STAU1: variants seen among roughly 807,000 people sequenced by gnomAD.
STAU1 encodes staufen double-stranded RNA binding protein 1.
In STAU1, 13 loss-of-function variants were observed where a neutral mutation model predicts 62.9. The observed-to-expected ratio is 0.21, with a 90% CI of 0.13 to 0.33. STAU1 has a LOEUF of 0.33. Among genes scored for constraint, STAU1 ranks in the 10% least tolerant of loss-of-function variants. STAU1 has a pLI of 1.00. For missense variants in STAU1, 571 were observed against 712.1 expected (o/e 0.80, Z 2.25); for synonymous variants, 269 against 265.1 (o/e 1.01, Z -0.14).
rs1600574949 is a variant in STAU1, at chr20:49,114,625, T to C, written c.*253A>G. 1 of 453,490 alleles carries C rather than the reference T, an allele frequency of 2.2e-6. No homozygotes were observed. The highest frequency in any genetic ancestry group is 3.3e-5 in the East Asian group (1 of 30,606). The allele number at this position is 453,490 out of a possible 1,614,324, so 28.1% of individuals were successfully genotyped here. ...AACCAGCTGGCTGGGCAGCCCTTCT[T>C]CCCCACAGGCAGCTGCTATTGCGTA... is the stretch of plus-strand genomic sequence containing the variant. On this transcript the variant is annotated 3_prime_UTR_variant, in exon 14 of 14. Transcript: ENST00000371856.
At chr20:49,207,330 C>G in the STAU1 span, among the ~76,000 whole-genome samples, 566 of 152,258 alleles carry the variant, frequency 3.7e-3, 2 homozygotes, top group Non-Finnish European at 5.9e-3. Flanking sequence ...TCCACTGCCC[C>G]CTTCTGTCCT....
the STAU1 span, among the ~76,000 whole-genome samples, chr20:49,201,071 A>AAAAAAAAAAAAGAAGAAGAAG: frequency 1.9e-5 from 2 of 104,564 alleles, no homozygotes; most frequent in Non-Finnish European, 4.0e-5. Context: ...AAAAAAAAAA[A>AAAAAAAAAAAAGAAGAAGAAG]AAGAAGAAGA....
At chr20:49,189,081 G>C (rs979574053), upstream of STAU1, among the ~76,000 whole-genome samples, 1 of 151,226 alleles carries the variant, frequency 6.6e-6, no homozygotes, top group African/African-American at 2.4e-5. Flanking sequence ...GGCGCCTGTA[G>C]GTAAACAGCT....
In STAU1 at chr20:49,117,131, C is replaced by T. The variant is rs758247144; in HGVS notation, c.1627G>A (p.Asp543Asn). Residue 543 changes from aspartate to asparagine, a missense_variant, in exon 12 of 14, where the codon GAT becomes AAT. Physicochemically the swap from Asp to Asn is conservative, Grantham distance 23. This residue lies in a region of STAU1 where 156 missense variants were observed against 194.7 expected (regional missense o/e 0.80). Transcript: ENST00000371856. This position sits in a 1 kb window ranked among gnomAD's most constrained non-coding sequence, Gnocchi z 4.6. ...GIGKDVESCHDMAALNILKLL... is the reference protein window; with the variant it reads ...GIGKDVESCHNMAALNILKLL... ...TCACCCAAGGTGTGACGTACCATAT[C>T]ATGGCAGGACTCCACATCCTTGCCG... The T allele has an allele frequency of 9.9e-6, 16 of 1,614,136 alleles. No individual in the cohort carries two copies. The highest frequency in any genetic ancestry group is 1.4e-5 in the Non-Finnish European group (16 of 1,180,004).
At chr20:49,196,661 G>A in the STAU1 span, among the ~76,000 whole-genome samples, 25 of 151,592 alleles carry the variant, frequency 1.6e-4, no homozygotes, top group African/African-American at 6.1e-4. Flanking sequence ...AGCTCCTCTC[G>A]AGGGGAGAAT....
chr20:49,156,340 T>C (rs2093356370), intron 3 of STAU1, among the ~76,000 whole-genome samples: 1 of 152,244 alleles, frequency 6.6e-6, no homozygotes, highest in Non-Finnish European at 1.5e-5. Context: ...GCATCATAGA[T>C]TGGAAACCAC....
intron 6 of STAU1, among the ~76,000 whole-genome samples, chr20:49,125,071 T>TAAAAAAAAA (rs11473077): frequency 1.8e-4 from 15 of 83,824 alleles, no homozygotes; most frequent in African/African-American, 2.2e-4. Context: ...ACACATTAAG[T>TAAAAAAAAA]AAAAAAAAAA....
chr20:49,129,279 A>ATTTTTTTTT (rs1337866356), intron 6 of STAU1, among the ~76,000 whole-genome samples: 4 of 101,948 alleles, frequency 3.9e-5, no homozygotes, highest in African/African-American at 4.4e-5. Flanking sequence ...TTTAAAAAAA[A>ATTTTTTTTT]ATTTTTTTTT....
intron 3 of STAU1, among the ~76,000 whole-genome samples, chr20:49,160,413 A>G (rs2093430295): frequency 6.6e-6 from 1 of 152,242 alleles, no homozygotes; most frequent in South Asian, 2.1e-4. Context: ...GGTTAGGATC[A>G]GAAACAGACA....
At chr20:49,164,951 GC>G (rs2093503145) in intron 3 of STAU1, among the ~76,000 whole-genome samples, 1 of 152,134 alleles carries the variant, frequency 6.6e-6, no homozygotes, top group Non-Finnish European at 1.5e-5. Context: ...AAATCTGGCT[GC>G]CCCCTTGCTT....
At chr20:49,215,661 T>C in the STAU1 span, among the ~76,000 whole-genome samples, 91 of 152,286 alleles carry the variant, frequency 6.0e-4, no homozygotes, top group African/African-American at 2.1e-3. Flanking sequence ...TTGCTCAACA[T>C]TGATTACTGA....
chr20:49,171,393 C>T (rs1257895050), intron 2 of STAU1, among the ~76,000 whole-genome samples: 3 of 152,220 alleles, frequency 2.0e-5, no homozygotes, highest in Admixed American at 6.5e-5. Context: ...CTGCCAGGTT[C>T]ACACCATTCT....
intron 8 of STAU1, 74 bp downstream of exon 8, chr20:49,123,018 A>G (rs348260): frequency 0.85 from 1,256,311 of 1,480,240 alleles, 535,477 homozygotes; most frequent in African/African-American, 0.94. Context: ...AGGTGTCCAG[A>G]CCTTGAACCG....
the STAU1 span, among the ~76,000 whole-genome samples, chr20:49,198,975 C>T: frequency 3.3e-5 from 5 of 150,100 alleles, no homozygotes; most frequent in African/African-American, 1.2e-4. Flanking sequence ...CCCCCTGCCC[C>T]CCCGCCAAAA....
At chr20:49,165,969 T>C (rs1365707212) in intron 3 of STAU1, 28 bp downstream of exon 3, 35 of 1,608,352 alleles carry the variant, frequency 2.2e-5, no homozygotes, top group Admixed American at 3.3e-5. Context: ...ACATTTGAAA[T>C]AGAAGACACT....
rs200864480 is a variant in STAU1 at position 49,163,419 on chromosome 20, C to CTTT, written c.205+2575_205+2577dup. 1.3e-3 allele frequency among the ~76,000 whole-genome samples: 106 copies of CTTT among 82,418 alleles called. 3 individuals carry two copies. Among genetic ancestry groups the CTTT allele is most frequent in the Admixed American group, 1.8e-3 (12 of 6,694 alleles). The allele number at this position is 82,418 out of a possible 152,430, so 54.1% of individuals were successfully genotyped here. ...TTAGGTATTTTTCAAGTGTTTAAAC[C>CTTT]TTTTTTTTTTTTTTTTTTTTTTTTG... On this transcript the variant is annotated intron_variant, in intron 3 of 13. Coordinates refer to ENST00000371856, the MANE Select transcript of STAU1 (RefSeq NM_017453.4).
chr20:49,200,196 G>C, the STAU1 span, among the ~76,000 whole-genome samples: 3 of 152,142 alleles, frequency 2.0e-5, no homozygotes, highest in African/African-American at 4.8e-5. Context: ...GTTTATAGTA[G>C]CTTAATTCAT....
chr20:49,120,232 G>C, intron 8 of STAU1, 104 bp from the exon 9 acceptor site: 1 of 1,343,312 alleles, frequency 7.4e-7, no homozygotes, highest in Non-Finnish European at 1.0e-6. Flanking sequence ...TCAGAAGCAA[G>C]ATAACAGCAG....
the STAU1 span, among the ~76,000 whole-genome samples, chr20:49,196,392 G>C: frequency 3.6e-5 from 5 of 137,856 alleles, no homozygotes; most frequent in Non-Finnish European, 7.7e-5. Flanking sequence ...AACTGAGATC[G>C]CGCCACTGCA....
Sources: allele counts gnomAD v4.1 joint callset (sites outside exome capture counted in the v4.1 genomes callset), GRCh38; gene constraint gnomAD v4.1.1; regional missense constraint gnomAD v4.1.1; non-coding constraint Gnocchi (gnomAD v3.1); transcripts MANE v1.5; gene names NCBI Gene and HGNC (gene_info 2026-07-23, HGNC 2026-07-21).